ADCY10: variants seen among roughly 807,000 people sequenced by gnomAD.
The protein encoded by ADCY10 is adenylate cyclase type 10.
A neutral mutation model predicts 183.3 loss-of-function variants in ADCY10; 156 were observed. The ratio of observed to expected loss-of-function variants is 0.85; its 90% CI spans 0.75 to 0.97. ADCY10 has a LOEUF of 0.97. Ranked by LOEUF, ADCY10 falls within the 50% of genes least tolerant of loss-of-function variation. The pLI is 0.00. For missense variants in ADCY10, 1,745 were observed against 1,934.3 expected (o/e 0.90, Z 1.84); for synonymous variants, 645 against 670.0 (o/e 0.96, Z 0.58).
In ADCY10 at chr1:167,855,426, C is replaced by T. The variant is rs116337614; in HGVS notation, c.2171+739G>A. Among the ~76,000 whole-genome samples the T allele has an allele frequency of 1.7e-3, 259 of 152,296 alleles. 1 individual carries two copies. The highest frequency in any genetic ancestry group is 5.9e-3 in the African/African-American group (247 of 41,570). ...AGCACTCACCAGTGAGTCAGCTTTC[C>T]ACATCTGCCATAGACAGAGAACACC... On this transcript the variant is annotated intron_variant, in intron 17 of 32. Coordinates refer to ENST00000367851, the MANE Select transcript of ADCY10 (RefSeq NM_018417.6).
chr1:167,820,035 G>A, intron 30 of ADCY10: 1 of 1,577,502 alleles, frequency 6.3e-7, no homozygotes, highest in Non-Finnish European at 8.7e-7. Context: ...ATGACTCCCA[G>A]TTCTACGTTT....
chr1:167,872,546 TG>T (rs1373015291), intron 13 of ADCY10, among the ~76,000 whole-genome samples: 4 of 151,936 alleles, frequency 2.6e-5, no homozygotes, highest in Non-Finnish European at 4.4e-5. Context: ...TATCGGGGAC[TG>T]TTGTATGCAG....
In ADCY10 at chr1:167,846,273, G is replaced by A. The variant is rs1348678549; in HGVS notation, c.2438-10C>T. 1.2e-6 allele frequency: 2 copies of A among 1,614,152 alleles called. No homozygotes were observed. The highest frequency in any genetic ancestry group is 2.2e-5 in the South Asian group (2 of 91,078). On this transcript the variant is annotated splice_polypyrimidine_tract_variant and intron_variant, in intron 19 of 32. Transcript: ENST00000367851. ...TGGATCAGAGAGATTTCTGCAGGTAGAAGGCCACACAGTAGAAAACTAGTT... is the reference window on the plus strand; with the variant it reads ...TGGATCAGAGAGATTTCTGCAGGTAAAAGGCCACACAGTAGAAAACTAGTT...
intron 11 of ADCY10, 81 bp downstream of exon 11, chr1:167,880,034 T>C: frequency 1.6e-6 from 2 of 1,229,038 alleles, no homozygotes; most frequent in South Asian, 2.6e-5. Flanking sequence ...CTCACTCATT[T>C]TTGTGCTTCC....
intron 14 of ADCY10, among the ~76,000 whole-genome samples, chr1:167,863,562 A>T (rs1415027240): frequency 6.6e-6 from 1 of 152,116 alleles, no homozygotes; most frequent in Non-Finnish European, 1.5e-5. Context: ...TCTGCGGCTC[A>T]TCCTGCTACA....
chr1:167,823,043 A>C lies in ADCY10; in HGVS notation c.4133T>G (p.Phe1378Cys). ...TQEHIFSKAF[F>C]YFVCLDILLY... ...CAGGATGTCCAAGCAGACAAAATAG[A>C]AAAATGCCTTGCTGAAGATGTGTTC... is the stretch of plus-strand genomic sequence containing the variant. The change falls in exon 29 of 33, where the codon TTC becomes TGC. Residue 1378 changes from phenylalanine to cysteine, a missense_variant. Coordinates refer to ENST00000367851, the MANE Select transcript of ADCY10 (RefSeq NM_018417.6). 1 of 1,614,126 alleles carries C rather than the reference A, an allele frequency of 6.2e-7. No individual in the cohort carries two copies. The highest frequency in any genetic ancestry group is 8.5e-7 in the Non-Finnish European group (1 of 1,179,992).
intron 13 of ADCY10, among the ~76,000 whole-genome samples, chr1:167,874,093 A>T (rs969880796): frequency 2.0e-5 from 3 of 152,172 alleles, no homozygotes; most frequent in African/African-American, 7.2e-5. Context: ...GCACTTTGGG[A>T]GGCTGGGGCA....
chr1:167,897,412 G>A (rs1022949865), intron 6 of ADCY10, among the ~76,000 whole-genome samples: 3 of 150,506 alleles, frequency 2.0e-5, no homozygotes, highest in Admixed American at 6.7e-5. Context: ...TGGGAGAATC[G>A]CTTGAGACTG....
intron 7 of ADCY10, among the ~76,000 whole-genome samples, chr1:167,894,287 T>C (rs1298713824): frequency 6.6e-6 from 1 of 152,042 alleles, no homozygotes; most frequent in African/African-American, 2.4e-5. Context: ...GAGAGGAGCA[T>C]GGTGACAGAA....
chr1:167,856,460 GA>G (rs770753750), intron 16 of ADCY10, 21 bp from the exon 17 acceptor site: 1 of 1,613,828 alleles, frequency 6.2e-7, no homozygotes, highest in African/African-American at 1.3e-5. Context: ...TGCAGAAAGA[GA>G]AAGAGAAACA....
At chr1:167,838,769 T>C (rs991101817) in intron 21 of ADCY10, among the ~76,000 whole-genome samples, 1 of 152,236 alleles carries the variant, frequency 6.6e-6, no homozygotes, top group Non-Finnish European at 1.5e-5. Context: ...CATTTGAATG[T>C]GTAATAGGCA....
chr1:167,862,036 C>G (rs1368867909), intron 14 of ADCY10, among the ~76,000 whole-genome samples: 2 of 152,176 alleles, frequency 1.3e-5, no homozygotes, highest in African/African-American at 4.8e-5. Context: ...GTCAATGAAA[C>G]CTCTTTTCTT....
At chr1:167,871,871 T>C (rs1478465781) in intron 13 of ADCY10, among the ~76,000 whole-genome samples, 1 of 152,230 alleles carries the variant, frequency 6.6e-6, no homozygotes, top group East Asian at 1.9e-4. Flanking sequence ...TGAGATGTTT[T>C]GTGTTTTTCT....
At chr1:167,811,101 T>C (rs1453394914) in intron 31 of ADCY10, among the ~76,000 whole-genome samples, 188 bp from the exon 32 acceptor site, 1 of 152,214 alleles carries the variant, frequency 6.6e-6, no homozygotes, top group Non-Finnish European at 1.5e-5. Context: ...GTAGCCACCA[T>C]GGTCCACTGA....
chr1:167,817,612 T>A (rs1215648078), intron 31 of ADCY10, among the ~76,000 whole-genome samples: 1 of 152,210 alleles, frequency 6.6e-6, no homozygotes, highest in Non-Finnish European at 1.5e-5. Context: ...TTGAATTTTT[T>A]AAATTGTCGT....
chr1:167,855,637 GT>G (rs1376058084), intron 17 of ADCY10, among the ~76,000 whole-genome samples: 1 of 152,202 alleles, frequency 6.6e-6, no homozygotes, highest in East Asian at 1.9e-4. Context: ...ACTAAGCAAA[GT>G]TTAAGAAGGC....
intron 22 of ADCY10, 78 bp from the exon 23 acceptor site, chr1:167,836,618 G>T (rs1008136772): frequency 2.9e-6 from 3 of 1,044,156 alleles, no homozygotes; most frequent in East Asian, 2.5e-5. Flanking sequence ...GGCCAGACGC[G>T]GTGGCTCACG....
At chr1:167,894,003 A>G in intron 7 of ADCY10, 62 bp from the exon 8 acceptor site, 1 of 1,159,602 alleles carries the variant, frequency 8.6e-7, no homozygotes, top group East Asian at 2.4e-5. Context: ...AGTGCTAGTG[A>G]GAGGAGGCTC....
intron 8 of ADCY10, among the ~76,000 whole-genome samples, chr1:167,888,886 A>G (rs568278132): frequency 2.0e-5 from 3 of 151,402 alleles, no homozygotes; most frequent in East Asian, 3.9e-4. Context: ...AAAAAAAAAA[A>G]AAAAGAAAAA....
Sources: allele counts gnomAD v4.1 joint callset (sites outside exome capture counted in the v4.1 genomes callset), GRCh38; gene constraint gnomAD v4.1.1; transcripts MANE v1.5; gene names NCBI Gene and HGNC (gene_info 2026-07-23, HGNC 2026-07-21).